The following SYNPR variants were observed in gnomAD, a reference collection of about 807,000 sequenced individuals.
SYNPR encodes the protein synaptoporin.
Under a neutral mutation model 32.9 loss-of-function variants are expected in SYNPR, and 23 were observed. The ratio of observed to expected loss-of-function variants is 0.70; its 90% CI spans 0.50 to 0.99. SYNPR has a LOEUF of 0.99. SYNPR is among the 50% of genes least tolerant of loss of function. SYNPR has a pLI of 0.00. For synonymous variants in SYNPR, 146 were observed against 135.9 expected (o/e 1.07, Z -0.52); for missense variants, 318 against 349.3 (o/e 0.91, Z 0.71).
At chr3:63,577,678 T>A (rs1405602104) in intron 4 of SYNPR, among the ~76,000 whole-genome samples, 1 of 152,064 alleles carries the variant, frequency 6.6e-6, no homozygotes, top group Non-Finnish European at 1.5e-5. Context: ...AGTAAATTAT[T>A]TAAAGTTGGA....
chr3:63,380,432 T>A (rs2087951386), intron 2 of SYNPR, among the ~76,000 whole-genome samples: 1 of 152,236 alleles, frequency 6.6e-6, no homozygotes, highest in Non-Finnish European at 1.5e-5. Context: ...ACTTCTCTGA[T>A]GGCCAGTGAT....
intron 2 of SYNPR, among the ~76,000 whole-genome samples, chr3:63,345,512 G>A (rs1359570693): frequency 6.6e-6 from 1 of 152,178 alleles, no homozygotes; most frequent in Non-Finnish European, 1.5e-5. Context: ...GAAGAAAATT[G>A]TCATGACAAG....
chr3:63,532,850 A>T (rs1166100054), intron 3 of SYNPR, among the ~76,000 whole-genome samples: 2 of 152,218 alleles, frequency 1.3e-5, no homozygotes, highest in Non-Finnish European at 2.9e-5. Flanking sequence ...CCATGCTAAG[A>T]TAAAATTAAA....
At chr3:63,277,240 G>A (rs1251485945), upstream of SYNPR, among the ~76,000 whole-genome samples, 1 of 152,018 alleles carries the variant, frequency 6.6e-6, no homozygotes, top group Non-Finnish European at 1.5e-5. Context: ...CTCTAAAATG[G>A]GAATAATATT....
Position 63,526,938 on chromosome 3 carries a change from C to T in SYNPR, c.210-29605C>T, listed in dbSNP as rs781213013. On this transcript the variant is annotated intron_variant, in intron 3 of 5. Transcript: ENST00000478300. ...TCCAATCCCATCTTCAAAGCATTCA[C>T]GGTGAGACAGCCATGGGCACCACGA... 7.9e-5 allele frequency among the ~76,000 whole-genome samples: 12 copies of T among 152,200 alleles called. No individual in the cohort carries two copies. The South Asian group carries it at 1.0e-3, about 13-fold the overall frequency.
chr3:63,269,792 G>A (rs1385453633), intron 3 of SYNPR, among the ~76,000 whole-genome samples: 1 of 152,102 alleles, frequency 6.6e-6, no homozygotes, highest in Non-Finnish European at 1.5e-5. Flanking sequence ...CACCTAATAT[G>A]TGCCAGACAC....
Position 63,237,365 on chromosome 3 carries a change from G to A in SYNPR, n.66+8985G>A, listed in dbSNP as rs531904709. ...GCCAACCAGTGAGTGTTGTTCGTGT[G>A]TTTGTATTTTTGAGTTCTGTGATTT... On this transcript the variant is annotated intron_variant and non_coding_transcript_variant, in intron 1 of 4. Coordinates refer to the SYNPR transcript ENST00000478456. 6.2e-4 allele frequency among the ~76,000 whole-genome samples: 94 copies of A among 151,924 alleles called. 1 individual carries two copies. Among genetic ancestry groups the A allele is most frequent in the Admixed American group, 2.4e-3 (37 of 15,258 alleles).
intron 2 of SYNPR, among the ~76,000 whole-genome samples, chr3:63,293,872 C>T (rs1575588962): frequency 1.3e-5 from 2 of 152,052 alleles, no homozygotes; most frequent in South Asian, 4.2e-4. Context: ...CTAATATGAC[C>T]TCATCTTAAC....
At chr3:63,291,195 T>A (rs1469798034) in intron 2 of SYNPR, among the ~76,000 whole-genome samples, 1 of 150,846 alleles carries the variant, frequency 6.6e-6, no homozygotes, top group Non-Finnish European at 1.5e-5. Context: ...AACCTCAAGT[T>A]TCTCAGGGAT....
chr3:63,319,780 A>G (rs2087088296), intron 2 of SYNPR, among the ~76,000 whole-genome samples: 1 of 152,044 alleles, frequency 6.6e-6, no homozygotes, highest in African/African-American at 2.4e-5. Context: ...TAATCCTAAA[A>G]TTTAAAAAGA....
At chr3:63,520,563 C>T (rs1287237293) in intron 3 of SYNPR, among the ~76,000 whole-genome samples, 4 of 151,954 alleles carry the variant, frequency 2.6e-5, no homozygotes, top group Admixed American at 2.6e-4. Flanking sequence ...ATCCCAGCTA[C>T]TGAGGAGGTT....
chr3:63,273,951 C>T (rs2086555604), upstream of SYNPR, among the ~76,000 whole-genome samples: 1 of 152,180 alleles, frequency 6.6e-6, no homozygotes, highest in Admixed American at 6.5e-5. Context: ...AATCTCCTGT[C>T]CTGTGTACCA....
At chr3:63,280,542 A>G (rs991219992) in intron 2 of SYNPR, among the ~76,000 whole-genome samples, 9 of 151,564 alleles carry the variant, frequency 5.9e-5, no homozygotes, top group Admixed American at 3.9e-4. Flanking sequence ...TTTGTTTTTT[A>G]CCTCAACTAA....
chr3:63,395,680 G>GA (rs2088202613), intron 2 of SYNPR, among the ~76,000 whole-genome samples: 1 of 152,130 alleles, frequency 6.6e-6, no homozygotes, highest in Non-Finnish European at 1.5e-5. Flanking sequence ...AGCTATGATA[G>GA]ATAACAAACC....
At chr3:63,478,108 A>G (rs1229283716) in intron 2 of SYNPR, among the ~76,000 whole-genome samples, 1 of 152,208 alleles carries the variant, frequency 6.6e-6, no homozygotes, top group Non-Finnish European at 1.5e-5. Flanking sequence ...TCAGAGGTCA[A>G]GAGAAGTAAA....
At chr3:63,477,136 G>C (rs1313928780) in intron 2 of SYNPR, among the ~76,000 whole-genome samples, 1 of 152,084 alleles carries the variant, frequency 6.6e-6, no homozygotes, top group Non-Finnish European at 1.5e-5. Context: ...CGAGTAACTG[G>C]GAGGGGAATC....
chr3:63,207,733 C>T, the SYNPR span, among the ~76,000 whole-genome samples: 1 of 152,096 alleles, frequency 6.6e-6, no homozygotes, highest in South Asian at 2.1e-4. Context: ...GTCTTTCTAA[C>T]CCCAATAACA....
intron 3 of SYNPR, among the ~76,000 whole-genome samples, chr3:63,526,559 T>A (rs2106781930): frequency 6.6e-6 from 1 of 152,338 alleles, no homozygotes; most frequent in Middle Eastern, 3.4e-3. Flanking sequence ...TGTATGTTTA[T>A]GATCTATTAA....
At chr3:63,257,765 C>G (rs2086399281) in intron 2 of SYNPR, among the ~76,000 whole-genome samples, 1 of 152,004 alleles carries the variant, frequency 6.6e-6, no homozygotes, top group Admixed American at 6.6e-5. Context: ...TTAAAAGACA[C>G]AGACTGGTAA....
Sources: allele counts gnomAD v4.1 joint callset (sites outside exome capture counted in the v4.1 genomes callset), GRCh38; gene constraint gnomAD v4.1.1; transcripts MANE v1.5; gene names NCBI Gene and HGNC (gene_info 2026-07-23, HGNC 2026-07-21).